The following NFIB variants were observed in gnomAD, a reference collection of about 807,000 sequenced individuals.
The protein encoded by NFIB is nuclear factor 1 B-type.
A neutral mutation model predicts 61.5 loss-of-function variants in NFIB; 11 were observed. That is an observed-to-expected ratio of 0.18 (90% confidence interval 0.11 to 0.30). The LOEUF is 0.30. Ranked by LOEUF, NFIB falls within the 10% of genes least tolerant of loss-of-function variation. The probability of loss-of-function intolerance (pLI) is 1.00; values close to 1 mark genes in which losing one functional copy is unlikely to be tolerated. For synonymous variants in NFIB, 260 were observed against 216.5 expected (o/e 1.20, Z -1.76); for missense variants, 471 against 608.9 (o/e 0.77, Z 2.38).
chr9:14,305,419 C>T (rs2059966122), intron 2 of NFIB, among the ~76,000 whole-genome samples: 1 of 152,136 alleles, frequency 6.6e-6, no homozygotes, highest in Non-Finnish European at 1.5e-5. Context: ...TATATACAGC[C>T]CACCTTAAAG....
intron 1 of NFIB, among the ~76,000 whole-genome samples, chr9:14,352,457 C>T (rs924866765): frequency 1.3e-5 from 2 of 152,212 alleles, no homozygotes; most frequent in South Asian, 2.1e-4. Context: ...AAAGAAGAGT[C>T]GGGTCAGAAT....
chr9:14,226,334 G>A (rs2052411912), intron 2 of NFIB, among the ~76,000 whole-genome samples: 1 of 152,070 alleles, frequency 6.6e-6, no homozygotes, highest in Non-Finnish European at 1.5e-5. Flanking sequence ...TATCACTTGA[G>A]TCCAGGACTT....
intron 8 of NFIB, among the ~76,000 whole-genome samples, chr9:14,117,435 T>A (rs1232805049): frequency 6.6e-6 from 1 of 152,172 alleles, no homozygotes; most frequent in Non-Finnish European, 1.5e-5. Flanking sequence ...TCATCGCAAT[T>A]TGCTGGGAGG....
At chr9:14,152,806 T>C (rs1273782991) in intron 4 of NFIB, among the ~76,000 whole-genome samples, 2 of 151,800 alleles carry the variant, frequency 1.3e-5, no homozygotes, top group East Asian at 1.9e-4. Context: ...TATAGCATGT[T>C]CTCACTCATA....
intron 2 of NFIB, among the ~76,000 whole-genome samples, chr9:14,264,114 C>T (rs1317386472): frequency 6.6e-6 from 1 of 152,040 alleles, no homozygotes; most frequent in Non-Finnish European, 1.5e-5. Flanking sequence ...GCCCAGACTT[C>T]TGGCCTCAGG....
At chr9:14,447,907 T>C in the NFIB span, among the ~76,000 whole-genome samples, 1 of 152,184 alleles carries the variant, frequency 6.6e-6, no homozygotes, top group African/African-American at 2.4e-5. Context: ...TTCACATATT[T>C]AGACAAGTTT....
At chr9:14,242,523 T>C (rs1252573496) in intron 2 of NFIB, among the ~76,000 whole-genome samples, 3 of 152,230 alleles carry the variant, frequency 2.0e-5, no homozygotes, top group Admixed American at 2.0e-4. Flanking sequence ...TAGAATTTAA[T>C]AAAAATTGAT....
the NFIB span, among the ~76,000 whole-genome samples, chr9:14,516,962 A>G: frequency 6.6e-6 from 1 of 152,332 alleles, no homozygotes; most frequent in East Asian, 1.9e-4. Flanking sequence ...ATAGAGTAGA[A>G]ATCTGAGCAA....
chr9:14,436,507 T>C, the NFIB span, among the ~76,000 whole-genome samples: 1 of 152,244 alleles, frequency 6.6e-6, no homozygotes, highest in African/African-American at 2.4e-5. Context: ...GAAAGGTTCT[T>C]GCCTGTTAGA....
Position 14,120,298 on chromosome 9 carries a change from T to G in NFIB, c.1245+142A>C. The stretch of plus-strand genomic sequence containing the variant: ...CAGCCACCTTTAAATAAAAACTTAT[T>G]GAGTCACCAAGCAACTTCCTGAAGA... On this transcript the variant is annotated intron_variant, in intron 8 of 10. Transcript: ENST00000380953. This position sits in a 1 kb window ranked among gnomAD's most constrained non-coding sequence, Gnocchi z 4.4. The G allele has an allele frequency of 1.2e-6, 1 of 866,488 alleles. No homozygotes were observed. The highest frequency in any genetic ancestry group is 1.9e-6 in the Non-Finnish European group (1 of 533,570). 53.7% of individuals were successfully genotyped at this position (866,488 alleles called of 1,614,324 possible).
At chr9:14,091,512 G>C (rs1258740981) in intron 10 of NFIB, among the ~76,000 whole-genome samples, 7 of 151,946 alleles carry the variant, frequency 4.6e-5, no homozygotes, top group Non-Finnish European at 1.0e-4. Flanking sequence ...TTCATAGTGA[G>C]AATTACTATA....
intron 5 of NFIB, among the ~76,000 whole-genome samples, chr9:14,148,064 C>A (rs2042462774): frequency 6.6e-6 from 1 of 151,896 alleles, no homozygotes; most frequent in South Asian, 2.1e-4. Flanking sequence ...TTTCATATGC[C>A]CCCACCAATA....
the NFIB span, among the ~76,000 whole-genome samples, chr9:14,448,771 T>C: frequency 3.3e-5 from 5 of 152,322 alleles, no homozygotes; most frequent in Admixed American, 3.3e-4. Flanking sequence ...GTAAAGAACT[T>C]GTCATCCCAT....
chr9:14,346,659 A>G (rs1415342217), intron 1 of NFIB, among the ~76,000 whole-genome samples: 1 of 152,208 alleles, frequency 6.6e-6, no homozygotes, highest in East Asian at 1.9e-4. Flanking sequence ...AAATTTGGCT[A>G]CAAAATCTCA....
chr9:14,325,381 A>G (rs367947712), intron 1 of NFIB, among the ~76,000 whole-genome samples: 16 of 152,248 alleles, frequency 1.1e-4, no homozygotes, highest in South Asian at 6.2e-4. Context: ...GCTTCTTCCT[A>G]AAGCCAATTA....
chr9:14,453,232 G>C, the NFIB span, among the ~76,000 whole-genome samples: 2 of 152,222 alleles, frequency 1.3e-5, no homozygotes, highest in Non-Finnish European at 2.9e-5. Context: ...ACATGATCCA[G>C]TGTGTGTAAT....
chr9:14,512,536 G>C, the NFIB span, among the ~76,000 whole-genome samples: 4 of 151,714 alleles, frequency 2.6e-5, no homozygotes, highest in Non-Finnish European at 4.4e-5. Context: ...TTGAATTATT[G>C]ATATAATGGA....
At chr9:14,182,315 T>C (rs17283657) in intron 2 of NFIB, among the ~76,000 whole-genome samples, 9,331 of 152,286 alleles carry the variant, frequency 0.061, 421 homozygotes, top group Non-Finnish European at 0.09. Flanking sequence ...CTCCTTCATA[T>C]GCCAAAGCCC....
chr9:14,530,393 G>A, the NFIB span, among the ~76,000 whole-genome samples: 7 of 149,510 alleles, frequency 4.7e-5, no homozygotes, highest in Non-Finnish European at 1.0e-4. Context: ...AATAAAATAG[G>A]GGTGAGGGGA....
Sources: gnomAD v4.1 joint callset for allele counts (sites outside exome capture counted in the v4.1 genomes callset) on GRCh38, gnomAD v4.1.1 for gene constraint, Gnocchi (gnomAD v3.1) non-coding constraint, MANE v1.5 for transcripts, NCBI Gene and HGNC (gene_info 2026-07-23, HGNC 2026-07-21) for gene names.